Variants in GALNT18 observed in about 807,000 individuals in gnomAD.
GALNT18 encodes GalNAc-transferase 18.
Under a neutral mutation model 69.5 loss-of-function variants are expected in GALNT18, and 44 were observed. The observed-to-expected ratio is 0.63, with a 90% CI of 0.50 to 0.81. The LOEUF (loss-of-function observed/expected upper bound fraction) is 0.81. Ranked by LOEUF, GALNT18 falls within the 40% of genes least tolerant of loss-of-function variation. The probability of loss-of-function intolerance (pLI) is 0.00; values close to 1 mark genes in which losing one functional copy is unlikely to be tolerated. For synonymous variants in GALNT18, 364 were observed against 318.2 expected, an observed-to-expected ratio of 1.14 and a Z score of -1.53; for missense variants, 715 against 810.0, an observed-to-expected ratio of 0.88 and a Z score of 1.42.
rs189832517 is a variant in GALNT18, at chr11:11,500,883, C to A, written c.236-51947G>T. Among the ~76,000 whole-genome samples, 2 of 152,156 alleles carry A rather than the reference C, an allele frequency of 1.3e-5. No homozygotes were observed. Among genetic ancestry groups the A allele is most frequent in the South Asian group, 2.1e-4 (1 of 4,830 alleles). Reference sequence around the variant, plus strand: ...TTCCTTCCCTGTCTTTTTGCAGAGCCGTGCTGAGCGGGCAGCCAGGTGCAC... The same window carrying A: ...TTCCTTCCCTGTCTTTTTGCAGAGCAGTGCTGAGCGGGCAGCCAGGTGCAC... On this transcript the variant is annotated intron_variant, in intron 1 of 10. Transcript: ENST00000227756. This position sits in a 1 kb window ranked among gnomAD's most constrained non-coding sequence, Gnocchi z 5.0.
rs754130671 is a variant in GALNT18 at position 11,497,767 on chromosome 11, T to TATACAC, written c.236-48832_236-48831insGTGTAT. Among the ~76,000 whole-genome samples the TATACAC allele has an allele frequency of 1.4e-5, 2 of 144,740 alleles. No homozygotes were observed. Among genetic ancestry groups the TATACAC allele is most frequent in the African/African-American group, 5.1e-5 (2 of 39,414 alleles). 95.0% of individuals were successfully genotyped at this position (144,740 alleles called of 152,430 possible). A position where few individuals can be genotyped will look rare whatever the true frequency, so the allele number is the denominator to read the frequency against. ...CATATTTTCTATATATATATATATA[T>TATACAC]ACACACACACACACATACACACAAA... On this transcript the variant is annotated intron_variant, in intron 1 of 10. Coordinates refer to ENST00000227756, the MANE Select transcript of GALNT18 (RefSeq NM_198516.3). This position sits in a 1 kb window ranked among gnomAD's most constrained non-coding sequence, Gnocchi z 4.2.
At chr11:11,536,665 C>A (rs986663443) in intron 1 of GALNT18, among the ~76,000 whole-genome samples, 1 of 148,114 alleles carries the variant, frequency 6.8e-6, no homozygotes, top group Admixed American at 6.7e-5. Flanking sequence ...AAAAAAAAAA[C>A]CTCCTGGTCC....
intron 9 of GALNT18, 82 bp downstream of exon 9, chr11:11,327,004 C>G: frequency 7.6e-6 from 8 of 1,047,248 alleles, no homozygotes; most frequent in Non-Finnish European, 1.2e-5. Context: ...CTCTCCTTCC[C>G]CATGACAGAG....
chr11:11,605,392 C>T lies in GALNT18; in HGVS notation c.235+15967G>A, dbSNP rs948150841. On this transcript the variant is annotated intron_variant, in intron 1 of 10. Coordinates refer to ENST00000227756, the MANE Select transcript of GALNT18 (RefSeq NM_198516.3). This position sits in a 1 kb window ranked among gnomAD's most constrained non-coding sequence, Gnocchi z 4.7. The stretch of plus-strand genomic sequence containing the variant: ...CCCTCTCCTCACTGCAGACCTTTCC[C>T]GACACCTGTCTCCTGAGTGCGAAAC... Among the ~76,000 whole-genome samples, 7 of 152,202 alleles carry T rather than the reference C, an allele frequency of 4.6e-5. No individual in the cohort carries two copies. The highest frequency in any genetic ancestry group is 7.3e-5 in the Non-Finnish European group (5 of 68,044).
intron 1 of GALNT18, among the ~76,000 whole-genome samples, chr11:11,510,868 T>C (rs1410869613): frequency 6.6e-6 from 1 of 152,208 alleles, no homozygotes; most frequent in Non-Finnish European, 1.5e-5. Flanking sequence ...CTCAGCCCTA[T>C]ATATGCATTC....
chr11:11,287,962 C>T (rs1385877369), intron 10 of GALNT18, among the ~76,000 whole-genome samples: 2 of 152,192 alleles, frequency 1.3e-5, no homozygotes, highest in Non-Finnish European at 2.9e-5. Context: ...TCCCTGATAG[C>T]TGCATGTCCC....
Position 11,337,176 on chromosome 11 carries a change from C to G in GALNT18, c.1278+3643G>C, listed in dbSNP as rs562968760. ...AGTATTTTTTTAAAAGTTCTTCAAG[C>G]GATTCTGATGCAGTTGGTCTGAAGA... On this transcript the variant is annotated intron_variant, in intron 7 of 10. Transcript: ENST00000227756. This position sits in a 1 kb window ranked among gnomAD's most constrained non-coding sequence, Gnocchi z 4.9. 6.6e-6 allele frequency among the ~76,000 whole-genome samples: 1 copy of G among 152,104 alleles called. No individual in the cohort carries two copies. Among genetic ancestry groups the G allele is most frequent in the South Asian group, 2.1e-4 (1 of 4,814 alleles).
Position 11,432,802 on chromosome 11 carries a change from C to CA in GALNT18, c.429-16dup, listed in dbSNP as rs1564946561. On this transcript the variant is annotated splice_polypyrimidine_tract_variant and intron_variant, in intron 2 of 10. Transcript: ENST00000227756. This position sits in a 1 kb window ranked among gnomAD's most constrained non-coding sequence, Gnocchi z 5.8. ...GGTTACGGCACCTGCAAAGAACAGC[C>CA]AAGCGCTTAGATTTGTGACTCAGCT... 1 of 1,610,158 alleles carries CA rather than the reference C, an allele frequency of 6.2e-7. No individual in the cohort carries two copies. The highest frequency in any genetic ancestry group is 2.2e-5 in the East Asian group (1 of 44,768).
intron 5 of GALNT18, among the ~76,000 whole-genome samples, chr11:11,375,662 C>T (rs1475281732): frequency 6.6e-6 from 1 of 152,220 alleles, no homozygotes; most frequent in Non-Finnish European, 1.5e-5. Context: ...TCTTGCTCTC[C>T]TCCTCTTGTA....
chr11:11,329,557 C>T (rs574642123), intron 8 of GALNT18, among the ~76,000 whole-genome samples: 1 of 152,202 alleles, frequency 6.6e-6, no homozygotes, highest in Non-Finnish European at 1.5e-5. Flanking sequence ...CTTTCCCGAC[C>T]CAAGTCTGGT....
At chr11:11,547,151 C>A (rs1033125748) in intron 1 of GALNT18, among the ~76,000 whole-genome samples, 16 of 152,158 alleles carry the variant, frequency 1.1e-4, no homozygotes, top group African/African-American at 3.9e-4. Context: ...AGTAGGTGCA[C>A]AACAAATGAC....
At chr11:11,385,032 G>T (rs759066345) in intron 3 of GALNT18, among the ~76,000 whole-genome samples, 1 of 152,134 alleles carries the variant, frequency 6.6e-6, no homozygotes, top group Non-Finnish European at 1.5e-5. Context: ...GTCAGCAGTC[G>T]CTTCAGGTGA....
intron 6 of GALNT18, chr11:11,352,218 A>C: frequency 6.2e-7 from 1 of 1,613,954 alleles, no homozygotes; most frequent in East Asian, 2.2e-5. Flanking sequence ...CAGTTTGTCC[A>C]GGAAATCCAA....
Position 11,596,125 on chromosome 11 carries a change from A to G in GALNT18, c.235+25234T>C, listed in dbSNP as rs6485023. Among the ~76,000 whole-genome samples the G allele has an allele frequency of 0.058, 8,905 of 152,224 alleles. 853 individuals are homozygous for G. The highest frequency in any genetic ancestry group is 0.2 in the African/African-American group (8,093 of 41,486). On this transcript the variant is annotated intron_variant, in intron 1 of 10. Coordinates refer to ENST00000227756, the MANE Select transcript of GALNT18 (RefSeq NM_198516.3). This position sits in a 1 kb window ranked among gnomAD's most constrained non-coding sequence, Gnocchi z 4.2. ...GTAGATATCCAGTTGTTCCAGCACC[A>G]TGTGTTAAAAGACTATTCTTTCCCC...
At chr11:11,422,841 T>C (rs1406671147) in intron 3 of GALNT18, among the ~76,000 whole-genome samples, 1 of 152,180 alleles carries the variant, frequency 6.6e-6, no homozygotes, top group Non-Finnish European at 1.5e-5. Context: ...TTCTATTTCA[T>C]CACTACATTG....
At chr11:11,323,627 T>C (rs1466402404) in intron 9 of GALNT18, among the ~76,000 whole-genome samples, 1 of 152,230 alleles carries the variant, frequency 6.6e-6, no homozygotes. Context: ...TCCCTAAAAA[T>C]GCCTTTTGCA....
At chr11:11,554,363 C>T (rs1475285729) in intron 1 of GALNT18, among the ~76,000 whole-genome samples, 2 of 151,992 alleles carry the variant, frequency 1.3e-5, no homozygotes, top group African/African-American at 2.4e-5. Context: ...TGGGGGACCA[C>T]CGTGACGGGG....
rs1257406936 is a variant in GALNT18, at chr11:11,415,212, C to T, written c.595+17409G>A. On this transcript the variant is annotated intron_variant, in intron 3 of 10. Coordinates refer to ENST00000227756, the MANE Select transcript of GALNT18 (RefSeq NM_198516.3). This position sits in a 1 kb window ranked among gnomAD's most constrained non-coding sequence, Gnocchi z 4.1. ...AGAAGGTTCATGTGATTATGTCAGG[C>T]CCAACCAACCGATTGGGGACCTTAA... 3.3e-5 allele frequency among the ~76,000 whole-genome samples: 5 copies of T among 152,158 alleles called. No individual in the cohort carries two copies. Among genetic ancestry groups the T allele is most frequent in the African/African-American group, 1.2e-4 (5 of 41,434 alleles).
rs1374916259 is a variant in GALNT18 at position 11,302,832 on chromosome 11, G to A, written c.1513-9639C>T. Among the ~76,000 whole-genome samples the A allele has an allele frequency of 2.6e-5, 4 of 152,370 alleles. No homozygotes were observed. In the East Asian group the frequency reaches 7.7e-4, roughly 29 times the overall value. ...TGCACTCAGCCTTAAAAGGCAGAGA[G>A]ACTGACAGCCCTCAGTGGCTGTCCT... On this transcript the variant is annotated intron_variant, in intron 9 of 10. Coordinates refer to ENST00000227756, the MANE Select transcript of GALNT18 (RefSeq NM_198516.3).
Sources: allele counts gnomAD v4.1 joint callset (sites outside exome capture counted in the v4.1 genomes callset), GRCh38; gene constraint gnomAD v4.1.1; non-coding constraint Gnocchi (gnomAD v3.1); transcripts MANE v1.5; gene names NCBI Gene and HGNC (gene_info 2026-07-23, HGNC 2026-07-21).